The following NUDT13 variants were observed in gnomAD, a reference collection of about 807,000 sequenced individuals.
The protein encoded by NUDT13 is nudix hydrolase 13, also known as NAD(P)H pyrophosphatase NUDT13, mitochondrial.
Under a neutral mutation model 41.7 loss-of-function variants are expected in NUDT13, and 40 were observed. The observed-to-expected ratio is 0.96, with a 90% CI of 0.75 to 1.25. The LOEUF (loss-of-function observed/expected upper bound fraction) is 1.25. Among genes scored for constraint, NUDT13 ranks in the 50% most tolerant of loss-of-function variants. The pLI, the probability that NUDT13 is intolerant of heterozygous loss-of-function variation, is 0.00. For synonymous variants in NUDT13, 145 were observed against 155.5 expected (o/e 0.93, Z 0.50); for missense variants, 390 against 416.1 (o/e 0.94, Z 0.55).
intron 8 of NUDT13, among the ~76,000 whole-genome samples, chr10:73,127,121 C>T (rs758650054): frequency 1.3e-5 from 2 of 152,030 alleles, no homozygotes; most frequent in Non-Finnish European, 2.9e-5. Flanking sequence ...TGGCTCATGC[C>T]TGTAATCCCA....
In NUDT13 at chr10:73,120,731, G is replaced by A. The variant is rs140874013; in HGVS notation, c.223+574G>A. 1.1e-3 allele frequency among the ~76,000 whole-genome samples: 170 copies of A among 152,198 alleles called. 1 individual carries two copies. Among genetic ancestry groups the A allele is most frequent in the African/African-American group, 3.9e-3 (164 of 41,524 alleles). On this transcript the variant is annotated intron_variant, in intron 3 of 8. Transcript: ENST00000357321. ...AGGAGGGCAGATCACGAGGTCAAGAGATCAAGACCAACCTGGCTAACACGG... is the reference window on the plus strand; with the variant it reads ...AGGAGGGCAGATCACGAGGTCAAGAAATCAAGACCAACCTGGCTAACACGG...
chr10:73,126,090 AT>A, intron 7 of NUDT13: 1 of 247,274 alleles, frequency 4.0e-6, no homozygotes, highest in African/African-American at 2.3e-5. Context: ...ACATGTAGGC[AT>A]TTGTTTGTAG....
intron 8 of NUDT13, among the ~76,000 whole-genome samples, chr10:73,127,620 A>C (rs946961301): frequency 1.5e-4 from 23 of 151,522 alleles, no homozygotes; most frequent in Admixed American, 1.4e-3. Context: ...CTCCTGCTTC[A>C]GCAGAGAAGT....
In NUDT13 at chr10:73,131,716, T is replaced by A. The variant is rs548746930; in HGVS notation, c.*813T>A. 2 of 152,356 alleles carry A rather than the reference T, an allele frequency of 1.3e-5. No homozygotes were observed. Among genetic ancestry groups the A allele is most frequent in the South Asian group, 4.1e-4 (2 of 4,826 alleles). 9.4% of individuals were successfully genotyped at this position (152,356 alleles called of 1,614,324 possible). On this transcript the variant is annotated 3_prime_UTR_variant, in exon 9 of 9. Transcript: ENST00000357321. ...AGATAAACAGATGCCAAACCTGACC[T>A]ATTTCTTAAACTTTATGGAATAAAC...
intron 2 of NUDT13, among the ~76,000 whole-genome samples, chr10:73,118,140 C>A (rs1842559708): frequency 6.6e-6 from 1 of 152,196 alleles, no homozygotes; most frequent in Non-Finnish European, 1.5e-5. Flanking sequence ...TTGGTAACTT[C>A]TGAGTGACAC....
chr10:73,117,707 T>TA (rs536697604), intron 2 of NUDT13, among the ~76,000 whole-genome samples: 2 of 152,294 alleles, frequency 1.3e-5, no homozygotes, highest in Admixed American at 1.3e-4. Flanking sequence ...AGTAATCGCT[T>TA]AGAGAATTCC....
chr10:73,124,143 G>A lies in NUDT13; in HGVS notation c.359-71G>A, dbSNP rs1049529054. The A allele has an allele frequency of 8.7e-6, 9 of 1,037,228 alleles. No individual in the cohort carries two copies. In the African/African-American group the frequency reaches 9.4e-5, roughly 11 times the overall value. 64.3% of individuals were successfully genotyped at this position (1,037,228 alleles called of 1,614,324 possible). A position where few individuals can be genotyped will look rare whatever the true frequency, so the allele number is the denominator to read the frequency against. The stretch of plus-strand genomic sequence containing the variant: ...AGTTTGGGAAACACTATTTTAACAG[G>A]ATAGACTGGAGAGAGGCCCTGAGGC... On this transcript the variant is annotated intron_variant, in intron 4 of 8. Transcript: ENST00000357321.
Position 73,130,866 on chromosome 10 carries a change from G to A in NUDT13, c.1022G>A (p.Trp341Ter), listed in dbSNP as rs373112225. ...ATCTCCCACCAACTGATTAAGGAGT[G>A]GGTGGAAAAACAGACCTGTTCTTCC... ...LAISHQLIKE[W>*]VEKQTCSSLP... Residue 341 changes from tryptophan (W) to a stop codon, truncating the protein, a stop_gained, in exon 9 of 9, where the codon TGG (tryptophan) becomes TAG (stop). Transcript: ENST00000357321. LOFTEE classifies it high-confidence loss of function. 128 of 1,613,730 alleles carry A rather than the reference G, an allele frequency of 7.9e-5. No homozygotes were observed. The highest frequency in any genetic ancestry group is 1.0e-4 in the Non-Finnish European group (121 of 1,179,902).
intron 4 of NUDT13, among the ~76,000 whole-genome samples, chr10:73,123,257 T>C (rs1333441636): frequency 6.6e-6 from 1 of 152,226 alleles, no homozygotes; most frequent in African/African-American, 2.4e-5. Context: ...AACATCATTC[T>C]AATTTCTTTT....
intron 1 of NUDT13, among the ~76,000 whole-genome samples, chr10:73,113,377 TTC>T (rs1302677858): frequency 2.6e-5 from 4 of 152,244 alleles, no homozygotes; most frequent in Non-Finnish European, 5.9e-5. Context: ...CCAGTTTACA[TTC>T]TGAGTGGTGT....
At chr10:73,120,816 TAGTCCCA>T (rs1271022935) in intron 3 of NUDT13, among the ~76,000 whole-genome samples, 6 of 151,748 alleles carry the variant, frequency 4.0e-5, no homozygotes, top group African/African-American at 1.5e-4. Context: ...CGGGTGCCTG[TAGTCCCA>T]GCTACTCGGG....
chr10:73,122,090 A>AT, intron 3 of NUDT13, 85 bp from the exon 4 acceptor site: 1 of 1,458,332 alleles, frequency 6.9e-7, no homozygotes, highest in Non-Finnish European at 9.2e-7. Flanking sequence ...GAAGTAGATG[A>AT]TTTTCTGTGA....
At chr10:73,127,525 C>T (rs1480879729) in intron 8 of NUDT13, among the ~76,000 whole-genome samples, 3 of 151,140 alleles carry the variant, frequency 2.0e-5, no homozygotes, top group Non-Finnish European at 2.9e-5. Context: ...TTTTTTGAGA[C>T]GGAGTCTTAC....
intron 1 of NUDT13, among the ~76,000 whole-genome samples, chr10:73,112,219 G>A (rs1842381495): frequency 6.6e-6 from 1 of 152,104 alleles, no homozygotes; most frequent in Non-Finnish European, 1.5e-5. Context: ...TAGGCGTGGT[G>A]GCGTATGCCT....
intron 4 of NUDT13, among the ~76,000 whole-genome samples, chr10:73,122,932 C>T (rs1316643971): frequency 7.1e-6 from 1 of 141,462 alleles, no homozygotes; most frequent in Non-Finnish European, 1.5e-5. Flanking sequence ...CAGAGTTTCA[C>T]TCTTGTTGCC....
intron 3 of NUDT13, 69 bp from the exon 4 acceptor site, chr10:73,122,106 A>C: frequency 6.6e-7 from 1 of 1,524,656 alleles, no homozygotes; most frequent in Non-Finnish European, 8.9e-7. Flanking sequence ...TGTGAGTCTA[A>C]TATGGCTGTA....
intron 2 of NUDT13, among the ~76,000 whole-genome samples, chr10:73,117,042 G>A (rs545035577): frequency 1.3e-5 from 2 of 150,548 alleles, no homozygotes; most frequent in Admixed American, 6.6e-5. Flanking sequence ...ACGCCACCAC[G>A]CCCAGCTAAT....
At chr10:73,112,634 TTG>T (rs1300468791) in intron 1 of NUDT13, among the ~76,000 whole-genome samples, 7 of 151,998 alleles carry the variant, frequency 4.6e-5, no homozygotes, top group Admixed American at 1.3e-4. Context: ...CTCACATTTT[TTG>T]TGTGTGTTGA....
intron 3 of NUDT13, among the ~76,000 whole-genome samples, chr10:73,120,962 A>G (rs987384779): frequency 1.3e-5 from 2 of 152,034 alleles, no homozygotes; most frequent in South Asian, 2.1e-4. Flanking sequence ...AAGTTCCATC[A>G]TAACTTCATT....
Sources: allele counts gnomAD v4.1 joint callset (sites outside exome capture counted in the v4.1 genomes callset), GRCh38; gene constraint gnomAD v4.1.1; transcripts MANE v1.5; gene names NCBI Gene and HGNC (gene_info 2026-07-23, HGNC 2026-07-21).